The following MAGI1 variants were observed in gnomAD, a reference collection of about 807,000 sequenced individuals.
MAGI1 encodes the protein membrane associated guanylate kinase, WW and PDZ domain containing 1, also known as membrane-associated guanylate kinase, WW and PDZ domain-containing protein 1.
MAGI1 carries 58 observed loss-of-function variants against 139.9 expected under a neutral mutation model. That is an observed-to-expected ratio of 0.41 (90% CI 0.34 to 0.52). The LOEUF (loss-of-function observed/expected upper bound fraction) is 0.52, where lower values mean the gene tolerates loss of function less well. Ranked by LOEUF, MAGI1 falls within the 20% of genes least tolerant of loss-of-function variation. The pLI, the probability that MAGI1 is intolerant of heterozygous loss-of-function variation, is 0.12. For missense variants in MAGI1, 1,874 were observed against 1,901.6 expected (o/e 0.99, Z 0.27); for synonymous variants, 812 against 737.9 (o/e 1.10, Z -1.63).
At chr3:65,530,264 C>T (rs1472006399) in intron 2 of MAGI1, among the ~76,000 whole-genome samples, 4 of 152,008 alleles carry the variant, frequency 2.6e-5, no homozygotes, top group Admixed American at 6.6e-5. Context: ...CTGAATTAGG[C>T]GAGTGCTAAT....
intron 14 of MAGI1, chr3:65,387,377 A>C: frequency 2.1e-6 from 1 of 470,082 alleles, no homozygotes; most frequent in South Asian, 3.0e-5. Flanking sequence ...GTTTGATTCC[A>C]TTTTTTCTTT....
chr3:65,676,455 T>G (rs1164235159), intron 1 of MAGI1, among the ~76,000 whole-genome samples: 7 of 151,924 alleles, frequency 4.6e-5, no homozygotes, highest in African/African-American at 1.7e-4. Flanking sequence ...AATCCTCAGA[T>G]TTTTTTTAAA....
chr3:65,781,579 T>C (rs2038935992), intron 1 of MAGI1, among the ~76,000 whole-genome samples: 1 of 152,214 alleles, frequency 6.6e-6, no homozygotes, highest in Admixed American at 6.5e-5. Context: ...TAAAAAATTA[T>C]TATACAAATT....
intron 10 of MAGI1, among the ~76,000 whole-genome samples, chr3:65,436,076 C>T (rs1947826056): frequency 1.3e-5 from 2 of 152,054 alleles, no homozygotes; most frequent in Admixed American, 1.3e-4. Context: ...CCATTATCAC[C>T]ATTAAAAAGT....
chr3:65,961,481 T>G (rs1396232886), intron 1 of MAGI1, among the ~76,000 whole-genome samples: 1 of 152,206 alleles, frequency 6.6e-6, no homozygotes, highest in East Asian at 1.9e-4. Context: ...AGTCCTCATG[T>G]AAATTAAGGA....
chr3:65,940,636 C>T (rs913130853), intron 1 of MAGI1, among the ~76,000 whole-genome samples: 1 of 152,206 alleles, frequency 6.6e-6, no homozygotes, highest in African/African-American at 2.4e-5. Flanking sequence ...GGGAGATTCA[C>T]ATTCAGTCTA....
At chr3:65,439,741 C>T (rs1011414957) in intron 9 of MAGI1, 138 bp downstream of exon 9, 3 of 1,522,936 alleles carry the variant, frequency 2.0e-6, no homozygotes, top group African/African-American at 2.7e-5. Context: ...CTCTTCCTCC[C>T]CACAGGACAT....
chr3:65,795,729 A>ACACACACACACACACG (rs2040087685), intron 1 of MAGI1, among the ~76,000 whole-genome samples: 1 of 150,648 alleles, frequency 6.6e-6, no homozygotes, highest in Non-Finnish European at 1.5e-5. Flanking sequence ...ACACACACGG[A>ACACACACACACACACG]GAGAGAGAGA....
At chr3:65,456,705 G>A (rs1219913766) in intron 5 of MAGI1, among the ~76,000 whole-genome samples, 1 of 152,080 alleles carries the variant, frequency 6.6e-6, no homozygotes, top group African/African-American at 2.4e-5. Flanking sequence ...TATGAAGTGT[G>A]GGGTTTAGGT....
intron 3 of MAGI1, 109 bp downstream of exon 3, chr3:65,493,403 T>G: frequency 7.7e-7 from 1 of 1,294,076 alleles, no homozygotes; most frequent in Non-Finnish European, 1.1e-6. Context: ...AAATCTCCTG[T>G]TATTTGTTTA....
chr3:65,629,742 A>C (rs929678345), intron 1 of MAGI1, among the ~76,000 whole-genome samples: 2 of 152,202 alleles, frequency 1.3e-5, no homozygotes, highest in African/African-American at 4.8e-5. Flanking sequence ...TTTTTCTAAT[A>C]TATTTTTCTA....
chr3:65,947,473 T>C (rs1466405556), intron 1 of MAGI1, among the ~76,000 whole-genome samples: 6 of 152,320 alleles, frequency 3.9e-5, no homozygotes, highest in South Asian at 2.1e-4. Context: ...AAAACTCCTA[T>C]ATTTATATTT....
At chr3:65,794,339 C>G (rs989771259) in intron 1 of MAGI1, among the ~76,000 whole-genome samples, 3 of 152,168 alleles carry the variant, frequency 2.0e-5, no homozygotes, top group African/African-American at 7.2e-5. Flanking sequence ...TCAACAGCAC[C>G]TTTTCCTCAG....
At chr3:65,966,022 A>C (rs2107137098) in intron 1 of MAGI1, among the ~76,000 whole-genome samples, 1 of 152,270 alleles carries the variant, frequency 6.6e-6, no homozygotes, top group East Asian at 1.9e-4. Flanking sequence ...TCAATGCCAC[A>C]ATCTAGGGTA....
chr3:65,448,396 A>G (rs1489699669), intron 6 of MAGI1, among the ~76,000 whole-genome samples: 1 of 152,184 alleles, frequency 6.6e-6, no homozygotes, highest in Non-Finnish European at 1.5e-5. Context: ...ATTGGGAGTA[A>G]ACAAAGCTGT....
At chr3:65,611,575 A>AG (rs2083120021) in intron 2 of MAGI1, among the ~76,000 whole-genome samples, 1 of 145,982 alleles carries the variant, frequency 6.9e-6, no homozygotes, top group African/African-American at 2.5e-5. Flanking sequence ...ATATGACACT[A>AG]TATATACTAT....
In MAGI1 at chr3:66,017,335, C is replaced by G. The variant is rs569338915; in HGVS notation, c.313+20661G>C. On this transcript the variant is annotated intron_variant, in intron 1 of 22. Coordinates refer to ENST00000402939, the MANE Select transcript of MAGI1 (RefSeq NM_001033057.2). Reference sequence around the variant, plus strand: ...GCTCCGCGCTGCAATGAGCCAGGCTCGCAGTGAAACCATCGCCAAGGCACC... The same window carrying G: ...GCTCCGCGCTGCAATGAGCCAGGCTGGCAGTGAAACCATCGCCAAGGCACC... 3.5e-4 allele frequency among the ~76,000 whole-genome samples: 54 copies of G among 152,346 alleles called. 1 individual carries two copies. The South Asian group carries it at 0.011, about 31-fold the overall frequency.
chr3:65,536,728 T>C (rs192307832), intron 2 of MAGI1, among the ~76,000 whole-genome samples: 5 of 152,298 alleles, frequency 3.3e-5, no homozygotes, highest in East Asian at 1.9e-4. Context: ...TCTTGGGACA[T>C]TGGTTGTAAC....
intron 2 of MAGI1, among the ~76,000 whole-genome samples, chr3:65,558,728 G>C (rs1314245315): frequency 6.6e-6 from 1 of 152,024 alleles, no homozygotes; most frequent in Non-Finnish European, 1.5e-5. Context: ...ACCCCATCCT[G>C]ATCTACCGAA....
Sources: gnomAD v4.1 joint callset for allele counts (sites outside exome capture counted in the v4.1 genomes callset) on GRCh38, gnomAD v4.1.1 for gene constraint, MANE v1.5 for transcripts, NCBI Gene and HGNC (gene_info 2026-07-23, HGNC 2026-07-21) for gene names.